Variants in PPP2CA observed in about 807,000 individuals in gnomAD.
The protein encoded by PPP2CA is serine/threonine-protein phosphatase 2A catalytic subunit alpha isoform.
In PPP2CA, 5 loss-of-function variants were observed where a neutral mutation model predicts 38.8. The ratio of observed to expected loss-of-function variants is 0.13; its 90% CI spans 0.07 to 0.27. PPP2CA has a LOEUF of 0.27. Ranked by LOEUF, PPP2CA falls within the 10% of genes least tolerant of loss-of-function variation. The pLI is 1.00. For synonymous variants in PPP2CA, 152 were observed against 134.0 expected (o/e 1.13, Z -0.93); for missense variants, 88 against 389.7 (o/e 0.23, Z 6.52).
intron 2 of PPP2CA, among the ~76,000 whole-genome samples, chr5:134,203,258 A>C (rs1158760168): frequency 2.0e-5 from 3 of 152,164 alleles, no homozygotes; most frequent in Non-Finnish European, 4.4e-5. Context: ...TTTCTGATTT[A>C]TTCTAGAAGT....
At chr5:134,213,611 C>T (rs1390618916) in intron 1 of PPP2CA, among the ~76,000 whole-genome samples, 3 of 151,686 alleles carry the variant, frequency 2.0e-5, no homozygotes, top group African/African-American at 7.3e-5. Flanking sequence ...TGTGGCGAGA[C>T]CCTGTCTCTA....
chr5:134,221,379 C>G (rs1762438773), intron 1 of PPP2CA, among the ~76,000 whole-genome samples: 1 of 152,178 alleles, frequency 6.6e-6, no homozygotes, highest in African/African-American at 2.4e-5. Flanking sequence ...TTCCAAAGTG[C>G]TAGGATTACA....
At chr5:134,214,169 A>G (rs1380289802) in intron 1 of PPP2CA, among the ~76,000 whole-genome samples, 1 of 152,180 alleles carries the variant, frequency 6.6e-6, no homozygotes, top group Non-Finnish European at 1.5e-5. Flanking sequence ...TTAAAAGGTT[A>G]AGATTTCACT....
intron 2 of PPP2CA, among the ~76,000 whole-genome samples, chr5:134,202,782 AC>A (rs1293519323): frequency 1.3e-5 from 2 of 152,232 alleles, no homozygotes; most frequent in South Asian, 4.1e-4. Context: ...GTAACGTTTA[AC>A]TTTTTGAGAA....
intron 1 of PPP2CA, among the ~76,000 whole-genome samples, chr5:134,223,411 T>G (rs1031703851): frequency 1.3e-5 from 2 of 152,238 alleles, no homozygotes; most frequent in Non-Finnish European, 2.9e-5. Flanking sequence ...TAATTTAGTT[T>G]GGAAGTTTAA....
In PPP2CA at chr5:134,196,592, CAT is replaced by C. The variant is rs1389523967; in HGVS notation, c.*1178_*1179del. The C allele has an allele frequency of 1.3e-5, 2 of 152,194 alleles. No homozygotes were observed. Among genetic ancestry groups the C allele is most frequent in the East Asian group, 1.9e-4 (1 of 5,206 alleles). 9.4% of individuals were successfully genotyped at this position (152,194 alleles called of 1,614,324 possible). A position where few individuals can be genotyped will look rare whatever the true frequency, so the allele number is the denominator to read the frequency against. ...TCTGAGACAAATTTAACTCTAAGAA[CAT>C]ATGACTCAACAATGTACAAAGATTT... is the stretch of plus-strand genomic sequence containing the variant. On this transcript the variant is annotated 3_prime_UTR_variant, in exon 7 of 7. Transcript: ENST00000481195.
rs1580637708 is a variant in PPP2CA at position 134,201,980 on chromosome 5, A to G, written c.354T>C (p.His118=). ...AAACTTGTGTGATCTGTCTGCTCTC[A>G]TGATTCCCTCGAAGAATGGTGATGC... The part of the protein sequence containing the change: ...RERITILRGN[H]ESRQITQVYG... The change falls in exon 3 of 7, where the codon CAT becomes CAC. Residue 118 remains histidine, a synonymous_variant. Coordinates refer to ENST00000481195, the MANE Select transcript of PPP2CA (RefSeq NM_002715.4). The G allele has an allele frequency of 1.2e-6, 2 of 1,613,158 alleles. No homozygotes were observed. The highest frequency in any genetic ancestry group is 1.7e-4 in the Middle Eastern group (1 of 6,060).
chr5:134,196,905 G>A lies in PPP2CA; in HGVS notation c.*867C>T, dbSNP rs565860567. 1.3e-5 allele frequency: 2 copies of A among 152,758 alleles called. No individual in the cohort carries two copies. The highest frequency in any genetic ancestry group is 3.9e-4 in the East Asian group (2 of 5,194). The allele number at this position is 152,758 out of a possible 1,614,324, so 9.5% of individuals were successfully genotyped here. ...CCAACAATGTGACAAATTGTAATAT[G>A]TGAAATACAAATAAATCCTGAAGTT... On this transcript the variant is annotated 3_prime_UTR_variant, in exon 7 of 7. Coordinates refer to ENST00000481195, the MANE Select transcript of PPP2CA (RefSeq NM_002715.4).
In PPP2CA at chr5:134,197,545, A is replaced by G; in HGVS notation, c.*227T>C. ...CGCTATGCCAGAAACTGGTTTCTTG[A>G]CCAACAATGTCGCTTCAGCATGCAA... On this transcript the variant is annotated 3_prime_UTR_variant, in exon 7 of 7. Coordinates refer to ENST00000481195, the MANE Select transcript of PPP2CA (RefSeq NM_002715.4). The G allele has an allele frequency of 1.9e-6, 1 of 515,806 alleles. No individual in the cohort carries two copies. The highest frequency in any genetic ancestry group is 3.5e-6 in the Non-Finnish European group (1 of 286,414). The allele number at this position is 515,806 out of a possible 1,614,324, so 32.0% of individuals were successfully genotyped here. A position where few individuals can be genotyped will look rare whatever the true frequency, so the allele number is the denominator to read the frequency against.
At position 134,197,521 on chromosome 5, in the gene PPP2CA, G is replaced by A. The variant is rs1293958894; in HGVS notation, c.*251C>T. 8.2e-6 allele frequency: 4 copies of A among 486,256 alleles called. No homozygotes were observed. Among genetic ancestry groups the A allele is most frequent in the Admixed American group, 6.6e-5 (2 of 30,532 alleles). The allele number at this position is 486,256 out of a possible 1,614,324, so 30.1% of individuals were successfully genotyped here. A position where few individuals can be genotyped will look rare whatever the true frequency, so the allele number is the denominator to read the frequency against. On this transcript the variant is annotated 3_prime_UTR_variant, in exon 7 of 7. Coordinates refer to ENST00000481195, the MANE Select transcript of PPP2CA (RefSeq NM_002715.4). ...GAAAGCAAAAGTAACTACAAATAGCGCTATGCCAGAAACTGGTTTCTTGAC... is the reference window on the plus strand; with the variant it reads ...GAAAGCAAAAGTAACTACAAATAGCACTATGCCAGAAACTGGTTTCTTGAC...
chr5:134,206,635 C>T (rs1762090388), intron 1 of PPP2CA, among the ~76,000 whole-genome samples: 1 of 152,198 alleles, frequency 6.6e-6, no homozygotes, highest in Admixed American at 6.5e-5. Flanking sequence ...ACCACAGGCA[C>T]ACGCCACCAT....
chr5:134,200,511 C>A lies in PPP2CA; in HGVS notation c.577-15G>T. The A allele has an allele frequency of 6.2e-7, 1 of 1,607,918 alleles. No individual in the cohort carries two copies. Among genetic ancestry groups the A allele is most frequent in the Non-Finnish European group, 8.5e-7 (1 of 1,177,458 alleles). On this transcript the variant is annotated splice_polypyrimidine_tract_variant and intron_variant, in intron 4 of 6. Transcript: ENST00000481195. The stretch of plus-strand genomic sequence containing the variant: ...CACATTGGACCCTAAAAAATAACTT[C>A]AAGTTATAAAATGCCTTTTACAAAC...
At chr5:134,202,105 G>A in intron 2 of PPP2CA, 84 bp from the exon 3 acceptor site, 4 of 1,375,014 alleles carry the variant, frequency 2.9e-6, no homozygotes, top group Non-Finnish European at 3.9e-6. Context: ...AGAAAAAAAT[G>A]CAGTTACAAT....
intron 1 of PPP2CA, among the ~76,000 whole-genome samples, chr5:134,220,950 T>C (rs1048733640): frequency 1.3e-5 from 2 of 152,122 alleles, no homozygotes; most frequent in African/African-American, 4.8e-5. Context: ...GTAGGGAGGG[T>C]TGGGGAACCT....
chr5:134,213,971 A>G (rs939227301), intron 1 of PPP2CA, among the ~76,000 whole-genome samples: 4 of 152,108 alleles, frequency 2.6e-5, no homozygotes, highest in African/African-American at 9.7e-5. Context: ...TCTACTAAAA[A>G]TACAAAAATC....
At chr5:134,212,150 C>G (rs929360074) in intron 1 of PPP2CA, among the ~76,000 whole-genome samples, 3 of 152,176 alleles carry the variant, frequency 2.0e-5, no homozygotes, top group Non-Finnish European at 2.9e-5. Context: ...CACACAATAA[C>G]TACAGGCATG....
rs1761872308 is a variant in PPP2CA, at chr5:134,197,195, C to G, written c.*577G>C. 6.5e-6 allele frequency: 1 copy of G among 153,068 alleles called. No individual in the cohort carries two copies. The highest frequency in any genetic ancestry group is 1.5e-5 in the Non-Finnish European group (1 of 68,384). 9.5% of individuals were successfully genotyped at this position (153,068 alleles called of 1,614,324 possible). On this transcript the variant is annotated 3_prime_UTR_variant, in exon 7 of 7. Coordinates refer to ENST00000481195, the MANE Select transcript of PPP2CA (RefSeq NM_002715.4). ...AAACAGTTCTGTTCAAAACAACTCA[C>G]CAGGTTCTGACAATAACAAAGAACA...
rs955490178 is a variant in PPP2CA at position 134,202,025 on chromosome 5, A to G, written c.313-4T>C. The G allele has an allele frequency of 3.8e-6, 6 of 1,573,576 alleles. No individual in the cohort carries two copies. Among genetic ancestry groups the G allele is most frequent in the Middle Eastern group, 1.7e-4 (1 of 5,952 alleles). ...TGATGCGTTCACGGTAACGAACCTA[A>G]AACAATAAAATGCAAAACATAAACA... On this transcript the variant is annotated splice_region_variant and splice_polypyrimidine_tract_variant and intron_variant, in intron 2 of 6. Coordinates refer to ENST00000481195, the MANE Select transcript of PPP2CA (RefSeq NM_002715.4).
chr5:134,206,997 C>A (rs1762096508), intron 1 of PPP2CA, among the ~76,000 whole-genome samples: 1 of 152,226 alleles, frequency 6.6e-6, no homozygotes, highest in Non-Finnish European at 1.5e-5. Flanking sequence ...GACCACTTTA[C>A]ATAAGATACC....
Sources: gnomAD v4.1 joint callset for allele counts (sites outside exome capture counted in the v4.1 genomes callset) on GRCh38, gnomAD v4.1.1 for gene constraint, MANE v1.5 for transcripts, NCBI Gene and HGNC (gene_info 2026-07-23, HGNC 2026-07-21) for gene names.